The following GPHN variants were observed in gnomAD, a reference collection of about 807,000 sequenced individuals.
GPHN encodes gephyrin.
GPHN carries 17 observed loss-of-function variants against 95.5 expected under a neutral mutation model. The observed-to-expected ratio is 0.18, with a 90% CI of 0.12 to 0.27. The LOEUF (loss-of-function observed/expected upper bound fraction) is 0.27. Ranked by LOEUF, GPHN falls within the 10% of genes least tolerant of loss-of-function variation. GPHN has a pLI of 1.00. For synonymous variants in GPHN, 320 were observed against 322.5 expected, an observed-to-expected ratio of 0.99 and a Z score of 0.08; for missense variants, 660 against 978.1, an observed-to-expected ratio of 0.67 and a Z score of 4.34.
chr14:67,235,088 A>G, the GPHN span, among the ~76,000 whole-genome samples: 1 of 151,532 alleles, frequency 6.6e-6, no homozygotes, highest in African/African-American at 2.4e-5. Flanking sequence ...CCCAGCAGGG[A>G]GAGGTTGCAG....
At chr14:67,359,193 C>T in the GPHN span, among the ~76,000 whole-genome samples, 1 of 152,174 alleles carries the variant, frequency 6.6e-6, no homozygotes, top group African/African-American at 2.4e-5. Flanking sequence ...GATTCCATCC[C>T]CACTTTGGCT....
chr14:66,864,343 GA>G (rs2063148821), intron 4 of GPHN, among the ~76,000 whole-genome samples: 1 of 152,150 alleles, frequency 6.6e-6, no homozygotes, highest in African/African-American at 2.4e-5. Context: ...AGAGAAAAGG[GA>G]ACCCTTGTAC....
the GPHN span, among the ~76,000 whole-genome samples, chr14:67,511,400 G>A: frequency 3.3e-5 from 5 of 152,242 alleles, no homozygotes; most frequent in East Asian, 1.9e-4. Context: ...TGGAGCAGCC[G>A]GAAGGAGCAA....
At chr14:67,584,091 G>GCA in the GPHN span, 1 of 1,613,912 alleles carries the variant, frequency 6.2e-7, no homozygotes, top group South Asian at 1.1e-5. Flanking sequence ...CCAGGAAATG[G>GCA]CCTTTCTTTG....
chr14:67,204,529 G>T, the GPHN span: 18 of 1,610,222 alleles, frequency 1.1e-5, no homozygotes, highest in Non-Finnish European at 1.5e-5. Context: ...CCGTGTGCTT[G>T]TTTGCAGGTT....
chr14:67,528,774 G>A, the GPHN span, among the ~76,000 whole-genome samples: 4 of 152,074 alleles, frequency 2.6e-5, no homozygotes, highest in Non-Finnish European at 5.9e-5. Context: ...CATCAGTTCC[G>A]CCCTGGCAGT....
At chr14:67,118,452 G>C (rs963516452) in intron 16 of GPHN, among the ~76,000 whole-genome samples, 2 of 152,184 alleles carry the variant, frequency 1.3e-5, no homozygotes, top group Non-Finnish European at 2.9e-5. Flanking sequence ...CGGGCCAGGC[G>C]CGGTGGCTCA....
chr14:67,379,741 G>A, the GPHN span, among the ~76,000 whole-genome samples: 1 of 129,276 alleles, frequency 7.7e-6, no homozygotes, highest in Non-Finnish European at 1.5e-5. Context: ...TGCAAGCTCC[G>A]CCTCCCGGGT....
At chr14:67,661,531 T>TTTTA in the GPHN span, among the ~76,000 whole-genome samples, 2 of 108,754 alleles carry the variant, frequency 1.8e-5, no homozygotes, top group East Asian at 6.7e-4. Context: ...ACAGTAACCT[T>TTTTA]TTTTTTTTTT....
the GPHN span, among the ~76,000 whole-genome samples, chr14:67,721,651 C>A: frequency 6.6e-6 from 1 of 152,052 alleles, no homozygotes; most frequent in East Asian, 1.9e-4. Flanking sequence ...GAACAGCTAA[C>A]CATAACAGCT....
chr14:66,818,811 T>G (rs1300713294), intron 3 of GPHN, among the ~76,000 whole-genome samples: 2 of 152,036 alleles, frequency 1.3e-5, no homozygotes, highest in Non-Finnish European at 2.9e-5. Flanking sequence ...TGAGATGATA[T>G]CTCGTTGTTT....
chr14:67,129,868 G>C (rs946961035), intron 17 of GPHN, among the ~76,000 whole-genome samples: 1 of 151,204 alleles, frequency 6.6e-6, no homozygotes, highest in Non-Finnish European at 1.5e-5. Context: ...CGGAGGGAGG[G>C]AGGAAGGCAG....
chr14:67,397,663 G>C, the GPHN span: 2 of 1,609,140 alleles, frequency 1.2e-6, no homozygotes, highest in Non-Finnish European at 1.7e-6. Flanking sequence ...ATCACTTACC[G>C]GTCGGTTTTC....
intron 17 of GPHN, chr14:67,142,911 C>A: frequency 4.7e-6 from 1 of 214,182 alleles, no homozygotes; most frequent in Non-Finnish European, 9.4e-6. Flanking sequence ...TCTCTGAATC[C>A]AGCTCATTTC....
intron 1 of GPHN, among the ~76,000 whole-genome samples, chr14:66,536,962 G>T (rs918141446): frequency 2.6e-5 from 4 of 152,046 alleles, no homozygotes; most frequent in African/African-American, 9.7e-5. Flanking sequence ...GTTATTTTAC[G>T]GTTGAAATGA....
chr14:67,382,181 AATG>A, the GPHN span, among the ~76,000 whole-genome samples: 11 of 151,986 alleles, frequency 7.2e-5, no homozygotes, highest in African/African-American at 2.4e-4. Context: ...GATACACGGA[AATG>A]ATAATTCTTT....
At chr14:67,252,231 C>T in the GPHN span, among the ~76,000 whole-genome samples, 2 of 151,970 alleles carry the variant, frequency 1.3e-5, no homozygotes, top group African/African-American at 4.8e-5. Context: ...GCTCTGTCAC[C>T]CAGGCTGGAG....
chr14:67,683,899 C>T, the GPHN span, among the ~76,000 whole-genome samples: 1 of 152,214 alleles, frequency 6.6e-6, no homozygotes, highest in African/African-American at 2.4e-5. Flanking sequence ...CCCTAAGTTC[C>T]ACACATTACT....
chr14:67,569,021 T>G, the GPHN span: 1 of 632,930 alleles, frequency 1.6e-6, no homozygotes, highest in Non-Finnish European at 2.8e-6. Flanking sequence ...TGTTAGCCAG[T>G]CACTGCCCCC....
Sources: allele counts gnomAD v4.1 joint callset (sites outside exome capture counted in the v4.1 genomes callset), GRCh38; gene constraint gnomAD v4.1.1; transcripts MANE v1.5; gene names NCBI Gene and HGNC (gene_info 2026-07-23, HGNC 2026-07-21).